The following SLIT3 variants were observed in gnomAD, a reference collection of about 807,000 sequenced individuals.
SLIT3 encodes the protein slit homolog 3 protein.
SLIT3 carries 68 observed loss-of-function variants against 184.0 expected under a neutral mutation model. The observed-to-expected ratio is 0.37, with a 90% confidence interval of 0.30 to 0.45. The LOEUF (loss-of-function observed/expected upper bound fraction) is 0.45. SLIT3 is among the 20% of genes least tolerant of loss of function. The pLI is 1.00. For synonymous variants in SLIT3, 831 were observed against 828.6 expected (o/e 1.00, Z -0.05); for missense variants, 1,707 against 2,026.0 (o/e 0.84, Z 3.02).
intron 4 of SLIT3, among the ~76,000 whole-genome samples, chr5:169,019,064 G>A (rs1479798404): frequency 6.6e-6 from 1 of 152,174 alleles, no homozygotes; most frequent in African/African-American, 2.4e-5. Context: ...GCCTTGTACA[G>A]GGCTACATCT....
chr5:169,116,546 A>G (rs1760671143), intron 4 of SLIT3, among the ~76,000 whole-genome samples: 1 of 152,224 alleles, frequency 6.6e-6, no homozygotes, highest in African/African-American at 2.4e-5. Context: ...TGACAGGAAG[A>G]GGACATTATG....
chr5:169,073,656 T>C (rs187702530), intron 4 of SLIT3, among the ~76,000 whole-genome samples: 26 of 152,196 alleles, frequency 1.7e-4, no homozygotes, highest in African/African-American at 6.3e-4. Context: ...CCCATGGTAA[T>C]GGGTGAGTTC....
At chr5:168,716,998 C>T (rs1217846250) in intron 23 of SLIT3, among the ~76,000 whole-genome samples, 4 of 137,712 alleles carry the variant, frequency 2.9e-5, no homozygotes, top group Non-Finnish European at 6.1e-5. Flanking sequence ...GTGATTCCCC[C>T]AGTGCATATG....
In SLIT3 at chr5:168,785,953, C is replaced by T. The variant is rs777081384; in HGVS notation, c.1105G>A (p.Glu369Lys). The T allele has an allele frequency of 2.5e-5, 41 of 1,612,564 alleles. No homozygotes were observed. Among genetic ancestry groups the T allele is most frequent in the South Asian group, 1.9e-4 (17 of 91,026 alleles). Residue 369 changes from glutamate to lysine, a missense_variant, in exon 12 of 36, where the codon GAG (glutamate) becomes AAG (lysine). Around this residue, in one of 3 missense-constraint regions of SLIT3, gnomAD observed 1,307 missense variants for 1,511.6 expected, o/e 0.86. Transcript: ENST00000519560. ...CCATCAAACAGTCCCTTGACAATCT[C>T]GGTGATCTTGTTCCCATACAGGACC... Reference protein sequence around the residue: ...SLVLYGNKITEIVKGLFDGLV... With the variant: ...SLVLYGNKITKIVKGLFDGLV...
intron 20 of SLIT3, among the ~76,000 whole-genome samples, chr5:168,736,933 T>C (rs1227244824): frequency 6.6e-6 from 1 of 152,190 alleles, no homozygotes; most frequent in Non-Finnish European, 1.5e-5. Flanking sequence ...TTATCTCACC[T>C]GCAAAATGGG....
At chr5:168,930,455 G>A (rs965684329) in intron 4 of SLIT3, among the ~76,000 whole-genome samples, 1 of 152,174 alleles carries the variant, frequency 6.6e-6, no homozygotes, top group Admixed American at 6.5e-5. Context: ...TCCGGAGTCT[G>A]CCATTTCTAG....
chr5:169,236,344 A>G (rs1161362168), intron 3 of SLIT3, among the ~76,000 whole-genome samples: 2 of 152,200 alleles, frequency 1.3e-5, no homozygotes, highest in African/African-American at 4.8e-5. Context: ...CCATTTTTCC[A>G]AGACGCTTTA....
intron 1 of SLIT3, among the ~76,000 whole-genome samples, chr5:169,278,374 G>A (rs373530563): frequency 3.3e-5 from 5 of 152,190 alleles, no homozygotes; most frequent in African/African-American, 1.2e-4. Context: ...CCAAAGCAGT[G>A]GGCTAAACAG....
intron 4 of SLIT3, among the ~76,000 whole-genome samples, chr5:169,028,399 C>T (rs1289551087): frequency 6.6e-6 from 1 of 152,180 alleles, no homozygotes; most frequent in Non-Finnish European, 1.5e-5. Flanking sequence ...TCCCATTGTG[C>T]GCTTACCAGC....
intron 4 of SLIT3, among the ~76,000 whole-genome samples, chr5:169,165,095 G>C (rs1762593133): frequency 6.6e-6 from 1 of 152,250 alleles, no homozygotes; most frequent in African/African-American, 2.4e-5. Flanking sequence ...CTGGCACATA[G>C]TAGGTGCTCA....
At chr5:168,815,005 G>A (rs1757284853) in intron 8 of SLIT3, among the ~76,000 whole-genome samples, 1 of 152,168 alleles carries the variant, frequency 6.6e-6, no homozygotes, top group African/African-American at 2.4e-5. Flanking sequence ...GTCTCAATAT[G>A]TCCCTGCCCT....
intron 4 of SLIT3, among the ~76,000 whole-genome samples, chr5:168,890,137 T>TAAAAAA (rs56267999): frequency 2.3e-4 from 23 of 98,666 alleles, no homozygotes; most frequent in African/African-American, 9.0e-4. Flanking sequence ...AGACTCCATC[T>TAAAAAA]AAAAAAAAAA....
intron 20 of SLIT3, among the ~76,000 whole-genome samples, chr5:168,728,524 A>G (rs2113390329): frequency 6.6e-6 from 1 of 152,268 alleles, no homozygotes; most frequent in East Asian, 1.9e-4. Flanking sequence ...AAAGAAGCTC[A>G]ATGAGATGCA....
intron 29 of SLIT3, 53 bp downstream of exon 29, chr5:168,692,554 T>G (rs999051544): frequency 7.8e-7 from 1 of 1,276,538 alleles, no homozygotes; most frequent in East Asian, 2.3e-5. Flanking sequence ...CCTAGACTGT[T>G]AGAGGCAGAG....
chr5:168,692,758 G>T, intron 28 of SLIT3, 58 bp from the exon 29 acceptor site: 1 of 1,232,540 alleles, frequency 8.1e-7, no homozygotes, highest in African/African-American at 1.5e-5. Context: ...GCCCTGGCCA[G>T]AAGATCAGAG....
chr5:169,175,541 G>A (rs1762957132), intron 4 of SLIT3, among the ~76,000 whole-genome samples: 2 of 152,310 alleles, frequency 1.3e-5, no homozygotes, highest in Non-Finnish European at 2.9e-5. Flanking sequence ...AGATTCTGAA[G>A]ATTATGGCAT....
chr5:168,944,077 T>C (rs1581232706), intron 4 of SLIT3, among the ~76,000 whole-genome samples: 1 of 152,302 alleles, frequency 6.6e-6, no homozygotes, highest in African/African-American at 2.4e-5. Flanking sequence ...GACTAATCTT[T>C]TTATAATGAA....
chr5:169,087,035 T>C (rs1759327937), intron 4 of SLIT3, among the ~76,000 whole-genome samples: 1 of 152,212 alleles, frequency 6.6e-6, no homozygotes, highest in African/African-American at 2.4e-5. Context: ...AACTACTTAC[T>C]AGCCAGCAAT....
At chr5:168,708,122 C>T (rs764469403) in intron 25 of SLIT3, 22 bp from the exon 26 acceptor site, 3 of 1,614,162 alleles carry the variant, frequency 1.9e-6, no homozygotes, top group East Asian at 2.2e-5. Context: ...AACCAGAGTA[C>T]TGATGGCAGG....
Sources: allele counts gnomAD v4.1 joint callset (sites outside exome capture counted in the v4.1 genomes callset), GRCh38; gene constraint gnomAD v4.1.1; regional missense constraint gnomAD v4.1.1; transcripts MANE v1.5; gene names NCBI Gene and HGNC (gene_info 2026-07-23, HGNC 2026-07-21).